The following CDH13 variants were observed in gnomAD, a reference collection of about 807,000 sequenced individuals.
The protein encoded by CDH13 is cadherin-13.
CDH13 carries 24 observed loss-of-function variants against 63.8 expected under a neutral mutation model. That is an observed-to-expected ratio of 0.38 (90% CI 0.27 to 0.53). The LOEUF (loss-of-function observed/expected upper bound fraction) is 0.53. Among genes scored for constraint, CDH13 ranks in the 20% least tolerant of loss-of-function variants. CDH13 has a pLI of 0.85. For missense variants in CDH13, 1,049 were observed against 903.1 expected (o/e 1.16, Z -2.07); for synonymous variants, 503 against 355.3 (o/e 1.42, Z -4.67).
At chr16:83,511,950 G>T (rs570443212) in intron 7 of CDH13, among the ~76,000 whole-genome samples, 1 of 152,254 alleles carries the variant, frequency 6.6e-6, no homozygotes, top group South Asian at 2.1e-4. Context: ...TGGGGCTTTT[G>T]CTTGGTGAAT....
intron 4 of CDH13, among the ~76,000 whole-genome samples, chr16:83,179,398 C>G (rs559369651): frequency 6.7e-6 from 1 of 149,322 alleles, no homozygotes; most frequent in Non-Finnish European, 1.5e-5. Flanking sequence ...AATCCCAGCA[C>G]TTTGGGAGGC....
chr16:82,674,724 G>A (rs1913696989), intron 1 of CDH13, among the ~76,000 whole-genome samples: 1 of 152,120 alleles, frequency 6.6e-6, no homozygotes, highest in Non-Finnish European at 1.5e-5. Context: ...ATTACTTTGT[G>A]GATGTTTGAG....
At chr16:83,694,633 A>C (rs1268751705) in intron 10 of CDH13, among the ~76,000 whole-genome samples, 1 of 152,176 alleles carries the variant, frequency 6.6e-6, no homozygotes, top group Non-Finnish European at 1.5e-5. Context: ...TCTCTGTCAC[A>C]AAGCAGGAAC....
intron 6 of CDH13, among the ~76,000 whole-genome samples, chr16:83,415,613 C>A (rs2151462999): frequency 6.6e-6 from 1 of 152,244 alleles, no homozygotes; most frequent in Non-Finnish European, 1.5e-5. Context: ...ACACAGAAAT[C>A]AATCAATGTG....
At chr16:83,411,197 C>G (rs1199899729) in intron 6 of CDH13, among the ~76,000 whole-genome samples, 2 of 152,160 alleles carry the variant, frequency 1.3e-5, no homozygotes, top group African/African-American at 4.8e-5. Flanking sequence ...GAAACAATCA[C>G]CCACTAATCT....
In CDH13 at chr16:83,336,312, A is replaced by AAAAAAAAG. The variant is rs1555531894; in HGVS notation, c.637-8544_637-8543insAGAAAAAA. On this transcript the variant is annotated intron_variant, in intron 5 of 13. Coordinates refer to ENST00000567109, the MANE Select transcript of CDH13 (RefSeq NM_001257.5). ...CAAGACTCCATCTCAAAAAAAAAAA[A>AAAAAAAAG]AAAAAAGAAATTTGGAATGAAAGCA... 4.4e-4 allele frequency among the ~76,000 whole-genome samples: 63 copies of AAAAAAAAG among 143,848 alleles called. 1 individual carries two copies. The highest frequency in any genetic ancestry group is 2.2e-3 in the East Asian group (11 of 4,892). 94.4% of individuals were successfully genotyped at this position (143,848 alleles called of 152,430 possible).
intron 2 of CDH13, among the ~76,000 whole-genome samples, chr16:82,903,639 G>A (rs138315899): frequency 4.6e-5 from 7 of 152,070 alleles, no homozygotes; most frequent in South Asian, 2.1e-4. Context: ...TTTAATTGCC[G>A]TGGAAACTTT....
chr16:83,507,167 A>G lies in CDH13; in HGVS notation c.960+20512A>G, dbSNP rs574208986. 8.5e-5 allele frequency among the ~76,000 whole-genome samples: 13 copies of G among 152,266 alleles called. No homozygotes were observed. In the East Asian group the frequency reaches 2.1e-3, roughly 25 times the overall value. On this transcript the variant is annotated intron_variant, in intron 7 of 13. Transcript: ENST00000567109. ...TTTCTGGTCTTCTTTGCATGACTCA[A>G]TCCCTCTTTCTTCATTTTCTCACAC...
At chr16:83,308,530 G>A (rs568548327) in intron 5 of CDH13, among the ~76,000 whole-genome samples, 40 of 152,120 alleles carry the variant, frequency 2.6e-4, no homozygotes, top group Admixed American at 7.9e-4. Flanking sequence ...AAGGCAAATG[G>A]CAACAAAAAC....
chr16:83,632,118 G>A (rs964593117), intron 8 of CDH13, among the ~76,000 whole-genome samples: 1 of 152,184 alleles, frequency 6.6e-6, no homozygotes, highest in African/African-American at 2.4e-5. Flanking sequence ...GAGGAGGCAA[G>A]CAGGGAGGAA....
At chr16:83,527,266 G>C (rs1481693717) in intron 7 of CDH13, among the ~76,000 whole-genome samples, 1 of 152,026 alleles carries the variant, frequency 6.6e-6, no homozygotes, top group Admixed American at 6.6e-5. Context: ...TAGCCAACAC[G>C]GTGAAACCCC....
intron 5 of CDH13, among the ~76,000 whole-genome samples, chr16:83,301,567 C>A (rs1286709464): frequency 1.3e-5 from 2 of 152,036 alleles, no homozygotes; most frequent in Non-Finnish European, 2.9e-5. Flanking sequence ...GTGGAGCAAG[C>A]AAGGTCGGAC....
intron 1 of CDH13, among the ~76,000 whole-genome samples, chr16:82,692,075 T>C (rs773876249): frequency 9.0e-4 from 137 of 152,360 alleles, no homozygotes; most frequent in Non-Finnish European, 1.7e-3. Flanking sequence ...CAATGAATTA[T>C]CTGTGGCTTC....
intron 3 of CDH13, among the ~76,000 whole-genome samples, chr16:83,054,838 A>G (rs764571382): frequency 6.6e-6 from 1 of 152,140 alleles, no homozygotes; most frequent in Non-Finnish European, 1.5e-5. Context: ...TGTAATATAG[A>G]TTTTACTAAA....
At chr16:83,660,259 A>G (rs1913316744) in intron 8 of CDH13, among the ~76,000 whole-genome samples, 1 of 152,174 alleles carries the variant, frequency 6.6e-6, no homozygotes. Flanking sequence ...AACTACCATA[A>G]TGTAGAACCA....
In CDH13 at chr16:83,217,329, C is replaced by G. The variant is rs755298957; in HGVS notation, c.484-16C>G. The G allele has an allele frequency of 1.9e-6, 3 of 1,613,594 alleles. No homozygotes were observed. The South Asian group carries it at 3.3e-5, about 18-fold the overall frequency. On this transcript the variant is annotated splice_polypyrimidine_tract_variant and intron_variant, in intron 4 of 13. Coordinates refer to ENST00000567109, the MANE Select transcript of CDH13 (RefSeq NM_001257.5). Reference sequence around the variant, plus strand: ...TTTCCAGGCAGTTTTAAATGTCTCTCTGTTTTTCTGACTAGGTAGTCGATA... The same window carrying G: ...TTTCCAGGCAGTTTTAAATGTCTCTGTGTTTTTCTGACTAGGTAGTCGATA...
chr16:83,590,903 C>CTTTTTTTT (rs34324940), intron 7 of CDH13, among the ~76,000 whole-genome samples: 1 of 88,852 alleles, frequency 1.1e-5, no homozygotes, highest in Admixed American at 1.3e-4. Context: ...CCAGGGGATT[C>CTTTTTTTT]TTTTTTTTTT....
At position 83,727,687 on chromosome 16, in the gene CDH13, G is replaced by A. The variant is rs1212458040; in HGVS notation, c.1539-20421G>A. Among the ~76,000 whole-genome samples, 2 of 152,056 alleles carry A rather than the reference G, an allele frequency of 1.3e-5. 1 individual carries two copies. The highest frequency in any genetic ancestry group is 6.3e-3 in the Middle Eastern group (2 of 316). Reference sequence around the variant, plus strand: ...CCTAAAAAATAAAATTGCATTCAAAGGCCAAAAAAGTCTTAGGCTTGCTAG... The same window carrying A: ...CCTAAAAAATAAAATTGCATTCAAAAGCCAAAAAAGTCTTAGGCTTGCTAG... On this transcript the variant is annotated intron_variant, in intron 10 of 13. Coordinates refer to ENST00000567109, the MANE Select transcript of CDH13 (RefSeq NM_001257.5).
chr16:83,310,783 C>T (rs1205895663), intron 5 of CDH13, among the ~76,000 whole-genome samples: 1 of 152,170 alleles, frequency 6.6e-6, no homozygotes, highest in African/African-American at 2.4e-5. Context: ...AGAACAATAA[C>T]CTAGGACCCT....
Sources: allele counts gnomAD v4.1 joint callset (sites outside exome capture counted in the v4.1 genomes callset), GRCh38; gene constraint gnomAD v4.1.1; transcripts MANE v1.5; gene names NCBI Gene and HGNC (gene_info 2026-07-23, HGNC 2026-07-21).